The following WDR59 variants were observed in gnomAD, a reference collection of about 807,000 sequenced individuals.
WDR59 encodes the protein GATOR2 complex protein WDR59.
In WDR59, 100 loss-of-function variants were observed where a neutral mutation model predicts 131.2. The observed-to-expected ratio is 0.76, with a 90% CI of 0.65 to 0.90. The LOEUF (loss-of-function observed/expected upper bound fraction) is 0.90. Ranked by LOEUF, WDR59 falls within the 40% of genes least tolerant of loss-of-function variation. WDR59 has a pLI of 0.00. For missense variants in WDR59, 1,203 were observed against 1,262.2 expected, an observed-to-expected ratio of 0.95 and a Z score of 0.71; for synonymous variants, 601 against 466.2, an observed-to-expected ratio of 1.29 and a Z score of -3.72.
At chr16:74,941,806 T>G (rs1200451179) in intron 7 of WDR59, among the ~76,000 whole-genome samples, 1 of 152,100 alleles carries the variant, frequency 6.6e-6, no homozygotes, top group Non-Finnish European at 1.5e-5. Context: ...CAGCATGTCC[T>G]GGAGCCTAAT....
At chr16:74,885,448 CAAAAAAAAA>C (rs397855343) in intron 25 of WDR59, among the ~76,000 whole-genome samples, 196 bp downstream of exon 25, 13 of 62,384 alleles carry the variant, frequency 2.1e-4, no homozygotes, top group South Asian at 1.1e-3. Context: ...GATTCCATCT[CAAAAAAAAA>C]AAAAAAAAAA....
intron 1 of WDR59, among the ~76,000 whole-genome samples, chr16:74,966,545 A>T (rs2033784480): frequency 6.6e-6 from 1 of 152,150 alleles, no homozygotes; most frequent in Admixed American, 6.6e-5. Flanking sequence ...GAGGCTGACT[A>T]GCTCAGAGAA....
At chr16:74,915,536 T>A (rs1217745933) in intron 13 of WDR59, 4 of 203,914 alleles carry the variant, frequency 2.0e-5, no homozygotes, top group Non-Finnish European at 4.1e-5. Context: ...TTCAAGTGAT[T>A]CCTGTGCCTC....
chr16:74,940,504 C>T (rs1242654641), intron 7 of WDR59, among the ~76,000 whole-genome samples: 2 of 152,002 alleles, frequency 1.3e-5, no homozygotes, highest in Admixed American at 1.3e-4. Context: ...AATAAATGCT[C>T]AGTAAATGTT....
chr16:74,899,332 G>A (rs1334788055), intron 18 of WDR59, among the ~76,000 whole-genome samples: 1 of 152,130 alleles, frequency 6.6e-6, no homozygotes, highest in East Asian at 1.9e-4. Context: ...ATCTTCCTCT[G>A]CTCCCCCCAT....
At chr16:74,946,555 C>T (rs2032652536) in intron 6 of WDR59, among the ~76,000 whole-genome samples, 1 of 151,972 alleles carries the variant, frequency 6.6e-6, no homozygotes, top group Non-Finnish European at 1.5e-5. Context: ...AACCCTGTCT[C>T]TACTAAAAAT....
Position 74,949,731 on chromosome 16 carries a change from T to G in WDR59, c.394A>C (p.Ile132Leu). ...AATTGTTCTTACTTGATATCCCAAA[T>G]GTAGATGTAGGTGTCCACAGAGCTG... The part of the protein sequence containing the change: ...VTSSVDTYIY[I>L]WDIKDTRKPT... The change falls in exon 5 of 26, where the codon ATT becomes CTT. Residue 132 changes from isoleucine to leucine, a missense_variant. Coordinates refer to ENST00000262144, the MANE Select transcript of WDR59 (RefSeq NM_030581.4). 6.2e-7 allele frequency: 1 copy of G among 1,613,828 alleles called. No individual in the cohort carries two copies. The highest frequency in any genetic ancestry group is 8.5e-7 in the Non-Finnish European group (1 of 1,179,850).
chr16:74,889,412 C>G (rs1328068603), intron 21 of WDR59, among the ~76,000 whole-genome samples: 1 of 152,188 alleles, frequency 6.6e-6, no homozygotes, highest in East Asian at 1.9e-4. Flanking sequence ...TGAGCTCAAA[C>G]TCCTGTATTC....
intron 8 of WDR59, among the ~76,000 whole-genome samples, chr16:74,931,384 G>A (rs897068565): frequency 2.0e-5 from 3 of 151,986 alleles, no homozygotes; most frequent in African/African-American, 7.3e-5. Flanking sequence ...CAGGCAGGTT[G>A]GAGTGCAGCG....
In WDR59 at chr16:74,965,771, AC is replaced by A. The variant is rs2033746885; in HGVS notation, c.104+1del. The A allele has an allele frequency of 1.9e-6, 3 of 1,614,136 alleles. No homozygotes were observed. The highest frequency in any genetic ancestry group is 2.5e-6 in the Non-Finnish European group (3 of 1,180,016). On this transcript the variant is annotated splice_donor_variant, in intron 2 of 25. Coordinates refer to ENST00000262144, the MANE Select transcript of WDR59 (RefSeq NM_030581.4). LOFTEE classifies it high-confidence loss of function. Reference sequence around the variant, plus strand: ...GCAGACAAACTCGGCAAGCTTACTTACCCAGAAAGCACTGCATGCTGCCCAA... The same window carrying A: ...GCAGACAAACTCGGCAAGCTTACTTACCAGAAAGCACTGCATGCTGCCCAA...
At chr16:74,928,400 A>G (rs910120117) in intron 8 of WDR59, among the ~76,000 whole-genome samples, 2 of 150,872 alleles carry the variant, frequency 1.3e-5, no homozygotes, top group African/African-American at 2.4e-5. Flanking sequence ...TTATTTTTCT[A>G]TAGAGACGAG....
In WDR59 at chr16:74,886,386, C is replaced by G. The variant is rs1017990559; in HGVS notation, c.2430G>C (p.Glu810Asp). The G allele has an allele frequency of 6.2e-7, 1 of 1,612,602 alleles. No individual in the cohort carries two copies. Among genetic ancestry groups the G allele is most frequent in the African/African-American group, 1.3e-5 (1 of 74,864 alleles). Reference sequence around the variant, plus strand: ...CCCAAGGGGAGGACAAGTGCTCTGCCTCTCTTCCCGCTGAAGAAAATCAAA... The same window carrying G: ...CCCAAGGGGAGGACAAGTGCTCTGCGTCTCTTCCCGCTGAAGAAAATCAAA... ...NTGGWNIAGR[E>D]AEHLSSPWGE... is the part of the protein sequence containing the mutation. Residue 810 changes from glutamate to aspartate, a missense_variant, in exon 24 of 26, where the codon GAG (glutamate) becomes GAC (aspartate). By Grantham distance (45) the Glu-to-Asp change is conservative. Coordinates refer to ENST00000262144, the MANE Select transcript of WDR59 (RefSeq NM_030581.4).
In WDR59 at chr16:74,922,083, C is replaced by A. The variant is rs2030294379; in HGVS notation, c.750G>T (p.Val250=). ...TCCGCAGCTGGGGAACCATCACAGT[C>A]ACCAATCCATTGCTGAAAGGCTAAG... ...ARYTPFSNGL[V]TVMVPQLRRE... Residue 250 remains valine, a synonymous_variant, in exon 10 of 26, where the codon GTG becomes GTT. Transcript: ENST00000262144. 1 of 1,614,018 alleles carries A rather than the reference C, an allele frequency of 6.2e-7. No homozygotes were observed. The highest frequency in any genetic ancestry group is 8.5e-7 in the Non-Finnish European group (1 of 1,180,020).
chr16:74,953,366 G>C (rs1828479338), intron 3 of WDR59, among the ~76,000 whole-genome samples: 1 of 151,718 alleles, frequency 6.6e-6, no homozygotes, highest in South Asian at 2.1e-4. Context: ...CCAGCTACTT[G>C]AGAGGCTGAG....
At chr16:74,901,903 A>G (rs1965572985) in intron 18 of WDR59, among the ~76,000 whole-genome samples, 2 of 152,180 alleles carry the variant, frequency 1.3e-5, no homozygotes, top group South Asian at 2.1e-4. Flanking sequence ...ATGGATGTGA[A>G]CAAACTTCAA....
At chr16:74,891,322 G>A (rs1314766067) in intron 20 of WDR59, among the ~76,000 whole-genome samples, 1 of 152,050 alleles carries the variant, frequency 6.6e-6, no homozygotes, top group Non-Finnish European at 1.5e-5. Flanking sequence ...GAAGCATTAG[G>A]CATGCAAAAT....
At chr16:74,903,491 T>A (rs1234791193) in intron 18 of WDR59, among the ~76,000 whole-genome samples, 2 of 148,460 alleles carry the variant, frequency 1.3e-5, no homozygotes. Context: ...AGACTTAGTA[T>A]AAAAAAAAAA....
At position 74,891,909 on chromosome 16, in the gene WDR59, G is replaced by A. The variant is rs186231837; in HGVS notation, c.2082+575C>T. 1.5e-3 allele frequency among the ~76,000 whole-genome samples: 227 copies of A among 152,302 alleles called. No individual in the cohort carries two copies. In the Middle Eastern group the frequency reaches 0.02, roughly 14 times the overall value. ...ACTGCACTCTAGCCTGGGCGACAGA[G>A]TGAAACTCCATCAAAAAAAACAAAA... On this transcript the variant is annotated intron_variant, in intron 20 of 25. Transcript: ENST00000262144.
intron 25 of WDR59, among the ~76,000 whole-genome samples, chr16:74,877,340 T>C (rs1396439083): frequency 6.6e-6 from 1 of 152,108 alleles, no homozygotes; most frequent in Non-Finnish European, 1.5e-5. Flanking sequence ...CAAAGAAAAC[T>C]GTTCAGTGAC....
Sources: gnomAD v4.1 joint callset for allele counts (sites outside exome capture counted in the v4.1 genomes callset) on GRCh38, gnomAD v4.1.1 for gene constraint, MANE v1.5 for transcripts, NCBI Gene and HGNC (gene_info 2026-07-23, HGNC 2026-07-21) for gene names.